The following GLS2 variants were observed in gnomAD, a reference collection of about 807,000 sequenced individuals.
GLS2 encodes the protein glutaminase liver isoform, mitochondrial.
GLS2 carries 52 observed loss-of-function variants against 79.0 expected under a neutral mutation model. That is an observed-to-expected ratio of 0.66 (90% confidence interval 0.53 to 0.83). The LOEUF (loss-of-function observed/expected upper bound fraction) is 0.83, where lower values mean the gene tolerates loss of function less well. Among genes scored for constraint, GLS2 ranks in the 40% least tolerant of loss-of-function variants. The pLI is 0.00. For missense variants in GLS2, 561 were observed against 764.8 expected, an observed-to-expected ratio of 0.73 and a Z score of 3.14; for synonymous variants, 238 against 280.8, an observed-to-expected ratio of 0.85 and a Z score of 1.52.
At position 56,472,164 on chromosome 12, in the gene GLS2, T is replaced by C; in HGVS notation, c.1543A>G (p.Lys515Glu). 2 of 1,614,206 alleles carry C rather than the reference T, an allele frequency of 1.2e-6. No homozygotes were observed. Among genetic ancestry groups the C allele is most frequent in the South Asian group, 2.2e-5 (2 of 91,088 alleles). The part of the protein sequence containing the change: ...FALSAMDMEQ[K>E]DYDSRTALHV... ...AGAGCTGTGCGCGAGTCATAGTCTT[T>C]CTGTTCCATATCCATGGCTGACAAG... Residue 515 changes from lysine (K) to glutamate (E), a missense_variant, in exon 16 of 18, where the codon AAA becomes GAA. This residue lies in a region of GLS2 where 136 missense variants were observed against 228.6 expected (regional missense o/e 0.59). Coordinates refer to ENST00000311966, the MANE Select transcript of GLS2 (RefSeq NM_013267.4).
chr12:56,486,075 T>C (rs1366632648), intron 1 of GLS2, among the ~76,000 whole-genome samples: 2 of 126,792 alleles, frequency 1.6e-5, no homozygotes, highest in African/African-American at 5.9e-5. Flanking sequence ...AAACAAACAA[T>C]AACCTGAATA....
At chr12:56,480,429 A>G (rs1870188285) in intron 1 of GLS2, 42 bp from the exon 2 acceptor site, 2 of 1,453,508 alleles carry the variant, frequency 1.4e-6, no homozygotes, top group African/African-American at 2.8e-5. Flanking sequence ...GGGGCCTGAG[A>G]ACTGCTACCT....
intron 9 of GLS2, 46 bp from the exon 10 acceptor site, chr12:56,475,156 G>A: frequency 1.2e-6 from 2 of 1,612,186 alleles, no homozygotes; most frequent in Middle Eastern, 1.6e-4. Flanking sequence ...AGGAGTGGGT[G>A]TTGGGAGAAG....
At chr12:56,481,245 G>A (rs1002031619) in intron 1 of GLS2, among the ~76,000 whole-genome samples, 2 of 117,716 alleles carry the variant, frequency 1.7e-5, no homozygotes, top group Admixed American at 1.2e-4. Flanking sequence ...TGGTTCTGTC[G>A]CCCAGGCTGG....
rs1225324184 is a variant in GLS2, at chr12:56,479,190, C to A, written c.405-9G>T. On this transcript the variant is annotated splice_polypyrimidine_tract_variant and intron_variant, in intron 3 of 17. Transcript: ENST00000311966. ...TGTTGCTGCTCACACACCTGGATCCCAGACACGATTGGATTAGGGGGCTAG... is the reference window on the plus strand; with the variant it reads ...TGTTGCTGCTCACACACCTGGATCCAAGACACGATTGGATTAGGGGGCTAG... 1.9e-6 allele frequency: 3 copies of A among 1,612,832 alleles called. No individual in the cohort carries two copies. The highest frequency in any genetic ancestry group is 2.5e-6 in the Non-Finnish European group (3 of 1,179,896).
chr12:56,478,424 A>C, intron 4 of GLS2, 162 bp from the exon 5 acceptor site: 1 of 661,258 alleles, frequency 1.5e-6, no homozygotes, highest in Non-Finnish European at 2.6e-6. Flanking sequence ...CCCGAGCCTT[A>C]AGTCCTAGAA....
In GLS2 at chr12:56,487,970, G is replaced by C. The variant is rs1870826664; in HGVS notation, c.149C>G (p.Thr50Arg). 2 of 1,602,816 alleles carry C rather than the reference G, an allele frequency of 1.2e-6. No individual in the cohort carries two copies. The highest frequency in any genetic ancestry group is 4.5e-5 in the East Asian group (2 of 44,858). The change falls in exon 1 of 18, where the codon ACG becomes AGG. Residue 50 changes from threonine to arginine, a missense_variant. Coordinates refer to ENST00000311966, the MANE Select transcript of GLS2 (RefSeq NM_013267.4). ...GTGCTGCGGCTGGTGGCTGTGTGGC[G>C]TCTCTCTGCCCTGCGCCGCGGCCTC... ...LSEAAAQGRE[T>R]PHSHQPQHQD...
In GLS2 at chr12:56,487,901, G is replaced by A. The variant is rs557598253; in HGVS notation, c.182+36C>T. The A allele has an allele frequency of 2.6e-5, 42 of 1,585,600 alleles. No individual in the cohort carries two copies. In the South Asian group the frequency reaches 4.4e-4, roughly 17 times the overall value. On this transcript the variant is annotated intron_variant, in intron 1 of 17. Transcript: ENST00000311966. ...AGCGAGAACCACAGTGGGAGTGGGG[G>A]CAAGCCCGTCCCCTGCCCTGTCCCA...
In GLS2 at chr12:56,479,216, AG is replaced by A. The variant is rs141384655; in HGVS notation, c.405-36del. On this transcript the variant is annotated intron_variant, in intron 3 of 17. Coordinates refer to ENST00000311966, the MANE Select transcript of GLS2 (RefSeq NM_013267.4). ...AGACACGATTGGATTAGGGGGCTAG[AG>A]AAATGCAGCTGGGACTCACTCTGGA... is the stretch of plus-strand genomic sequence containing the variant. The A allele has an allele frequency of 2.1e-4, 338 of 1,608,502 alleles. No individual in the cohort carries two copies. In the African/African-American group the frequency reaches 4.0e-3, roughly 19 times the overall value.
chr12:56,478,379 G>T, intron 4 of GLS2, 117 bp from the exon 5 acceptor site: 1 of 1,075,916 alleles, frequency 9.3e-7, no homozygotes, highest in Admixed American at 2.2e-5. Flanking sequence ...CTATAGGGCA[G>T]AGGGGTTCCC....
At chr12:56,474,427 C>T in intron 12 of GLS2, 117 bp downstream of exon 12, 1 of 1,310,904 alleles carries the variant, frequency 7.6e-7, no homozygotes, top group Non-Finnish European at 1.1e-6. Context: ...AATTGCCTTC[C>T]TGGAAGTTAG....
intron 9 of GLS2, 79 bp downstream of exon 9, chr12:56,475,545 C>A: frequency 7.0e-7 from 1 of 1,433,824 alleles, no homozygotes; most frequent in Non-Finnish European, 9.7e-7. Flanking sequence ...TTCTCTCTCC[C>A]CCATTCCTCT....
At position 56,488,072 on chromosome 12, in the gene GLS2, C is replaced by T; in HGVS notation, c.47G>A (p.Ser16Asn). Residue 16 changes from serine to asparagine, a missense_variant, in exon 1 of 18, where the codon AGT becomes AAT. Coordinates refer to ENST00000311966, the MANE Select transcript of GLS2 (RefSeq NM_013267.4). The part of the protein sequence containing the change: ...ALQKALSRAG[S>N]HCGRGGWGHP... ...ACCCCAGCCTCCTCGCCCGCAGTGA[C>T]TGCCAGCCCGGCTCAGGGCCTTCTG... is the stretch of plus-strand genomic sequence containing the variant. The T allele has an allele frequency of 6.3e-7, 1 of 1,577,712 alleles. No homozygotes were observed. The highest frequency in any genetic ancestry group is 8.6e-7 in the Non-Finnish European group (1 of 1,168,834).
intron 9 of GLS2, 173 bp from the exon 10 acceptor site, chr12:56,475,283 A>G: frequency 6.7e-7 from 1 of 1,494,232 alleles, no homozygotes; most frequent in Non-Finnish European, 9.0e-7. Context: ...GCAAACACTC[A>G]GCATAGTTTT....
Position 56,480,372 on chromosome 12 carries a change from A to G in GLS2, c.198T>C (p.Ser66=). ...AATCACCCAGGCGGGACAGCATGCCACTTTCTGATGAATCACTGTTTGGGG... is the reference window on the plus strand; with the variant it reads ...AATCACCCAGGCGGGACAGCATGCCGCTTTCTGATGAATCACTGTTTGGGG... ...PQHQDHDSSE[S]GMLSRLGDLL... is the part of the protein sequence containing the mutation. The change falls in exon 2 of 18, where the codon AGT becomes AGC. Residue 66 remains serine (S), a synonymous_variant. Coordinates refer to ENST00000311966, the MANE Select transcript of GLS2 (RefSeq NM_013267.4). 3 of 1,614,134 alleles carry G rather than the reference A, an allele frequency of 1.9e-6. No individual in the cohort carries two copies. The highest frequency in any genetic ancestry group is 2.5e-6 in the Non-Finnish European group (3 of 1,179,990).
At chr12:56,472,582 C>T (rs964250224) in intron 15 of GLS2, 108 bp downstream of exon 15, 17 of 979,946 alleles carry the variant, frequency 1.7e-5, no homozygotes, top group South Asian at 8.5e-5. Context: ...AATCTATATC[C>T]ATTCTAATTC....
In GLS2 at chr12:56,481,867, G is replaced by A. The variant is rs1443137092; in HGVS notation, c.183-1480C>T. Among the ~76,000 whole-genome samples, 6 of 151,302 alleles carry A rather than the reference G, an allele frequency of 4.0e-5. No homozygotes were observed. In the East Asian group the frequency reaches 1.2e-3, roughly 29 times the overall value. ...GATCACGCCATTACACTCCAGCCTG[G>A]GCAAAAAGAGCAAAACTCCATCTCA... On this transcript the variant is annotated intron_variant, in intron 1 of 17. Transcript: ENST00000311966.
intron 4 of GLS2, 101 bp downstream of exon 4, chr12:56,478,951 T>A (rs905985549): frequency 9.6e-6 from 14 of 1,454,458 alleles, no homozygotes; most frequent in Non-Finnish European, 1.3e-5. Flanking sequence ...ACCATTGCAC[T>A]CCAGCCCGGG....
At chr12:56,472,506 C>T (rs1869375150) in intron 15 of GLS2, 184 bp downstream of exon 15, 1 of 624,878 alleles carries the variant, frequency 1.6e-6, no homozygotes, top group East Asian at 2.8e-5. Flanking sequence ...CATTAATTAT[C>T]ATAGAGCAGA....
Sources: gnomAD v4.1 joint callset for allele counts (sites outside exome capture counted in the v4.1 genomes callset) on GRCh38, gnomAD v4.1.1 for gene constraint, gnomAD v4.1.1 regional missense constraint, MANE v1.5 for transcripts, NCBI Gene and HGNC (gene_info 2026-07-23, HGNC 2026-07-21) for gene names.